ACSL3: variants seen among roughly 807,000 people sequenced by gnomAD.
ACSL3 encodes the protein fatty acid CoA ligase Acsl3.
Under a neutral mutation model 84.7 loss-of-function variants are expected in ACSL3, and 34 were observed. The observed-to-expected ratio is 0.40, with a 90% confidence interval of 0.31 to 0.53. The LOEUF (loss-of-function observed/expected upper bound fraction) is 0.53, where lower values mean the gene tolerates loss of function less well. Among genes scored for constraint, ACSL3 ranks in the 20% least tolerant of loss-of-function variants. The pLI, the probability that ACSL3 is intolerant of heterozygous loss-of-function variation, is 0.48. For synonymous variants in ACSL3, 315 were observed against 299.4 expected, an observed-to-expected ratio of 1.05 and a Z score of -0.54; for missense variants, 680 against 873.1, an observed-to-expected ratio of 0.78 and a Z score of 2.79.
At chr2:222,866,744 G>GACCCCCC (rs1695153122) in intron 1 of ACSL3, among the ~76,000 whole-genome samples, 1 of 22,730 alleles carries the variant, frequency 4.4e-5, no homozygotes, top group Non-Finnish European at 8.6e-5. Flanking sequence ...AAACTGCCCT[G>GACCCCCC]CCCCCCCCGC....
In ACSL3 at chr2:222,914,602, T is replaced by G. The variant is rs1332950334; in HGVS notation, c.379-1717T>G. On this transcript the variant is annotated intron_variant, in intron 4 of 16. Transcript: ENST00000357430. Reference sequence around the variant, plus strand: ...AATAGAGAGAAGGTTTCAGAGGTATTTCAGAGGGTGAGAAAACGAATAGAC... The same window carrying G: ...AATAGAGAGAAGGTTTCAGAGGTATGTCAGAGGGTGAGAAAACGAATAGAC... 6.6e-5 allele frequency among the ~76,000 whole-genome samples: 10 copies of G among 152,108 alleles called. No homozygotes were observed. In the East Asian group the frequency reaches 1.9e-3, roughly 29 times the overall value.
chr2:222,935,110 G>A (rs1224907949), intron 16 of ACSL3, among the ~76,000 whole-genome samples: 1 of 152,168 alleles, frequency 6.6e-6, no homozygotes, highest in African/African-American at 2.4e-5. Flanking sequence ...CCCAAGACTA[G>A]TTTAATATTG....
chr2:222,909,057 A>G lies in ACSL3; in HGVS notation c.285A>G (p.Ala95=). Residue 95 remains alanine, a synonymous_variant, in exon 4 of 17, where the codon GCA becomes GCG. Coordinates refer to ENST00000357430, the MANE Select transcript of ACSL3 (RefSeq NM_004457.5). Reference sequence around the variant, plus strand: ...CTTTAGATAAAGTTTTTACATATGCAAAAAACAAATTTAAGAACAAAAGAC... The same window carrying G: ...CTTTAGATAAAGTTTTTACATATGCGAAAAACAAATTTAAGAACAAAAGAC... The part of the protein sequence containing the change: ...CDTLDKVFTY[A]KNKFKNKRLL... 1 of 1,612,464 alleles carries G rather than the reference A, an allele frequency of 6.2e-7. No individual in the cohort carries two copies. The highest frequency in any genetic ancestry group is 1.7e-5 in the Admixed American group (1 of 59,764).
Position 222,942,069 on chromosome 2 carries a change from T to C in ACSL3, c.*415T>C, listed in dbSNP as rs2106147970. ...GTTATTTGGGGGCTTTTTTACTTAC[T>C]GTATTTAAAAATACAAGGGTATTGA... On this transcript the variant is annotated 3_prime_UTR_variant, in exon 17 of 17. Coordinates refer to ENST00000357430, the MANE Select transcript of ACSL3 (RefSeq NM_004457.5). 1 of 217,904 alleles carries C rather than the reference T, an allele frequency of 4.6e-6. No individual in the cohort carries two copies. Among genetic ancestry groups the C allele is most frequent in the Non-Finnish European group, 9.3e-6 (1 of 108,048 alleles). 13.5% of individuals were successfully genotyped at this position (217,904 alleles called of 1,614,324 possible).
intron 3 of ACSL3, among the ~76,000 whole-genome samples, chr2:222,904,386 G>C (rs1305581352): frequency 6.6e-6 from 1 of 152,198 alleles, no homozygotes; most frequent in African/African-American, 2.4e-5. Flanking sequence ...GTGGCAATGA[G>C]AATAGTAATG....
intron 12 of ACSL3, 22 bp from the exon 13 acceptor site, chr2:222,928,840 C>A (rs1696950624): frequency 6.3e-7 from 1 of 1,598,134 alleles, no homozygotes; most frequent in Non-Finnish European, 8.6e-7. Flanking sequence ...CTCAAATATC[C>A]TTTTTTTCAT....
At chr2:222,921,019 A>G in intron 7 of ACSL3, 4 of 573,020 alleles carry the variant, frequency 7.0e-6, no homozygotes, top group Non-Finnish European at 6.8e-6. Context: ...CCATCCAAAT[A>G]GCATCTATTG....
intron 3 of ACSL3, among the ~76,000 whole-genome samples, chr2:222,907,816 C>T (rs1696333586): frequency 6.6e-6 from 1 of 151,968 alleles, no homozygotes; most frequent in Non-Finnish European, 1.5e-5. Context: ...TTCCCCTCTG[C>T]CCGGAGTGCT....
chr2:222,871,782 G>A (rs1695309699), intron 1 of ACSL3, among the ~76,000 whole-genome samples: 1 of 152,182 alleles, frequency 6.6e-6, no homozygotes, highest in South Asian at 2.1e-4. Flanking sequence ...GGTCTAGTGG[G>A]TGAGGGGTTG....
Position 222,865,794 on chromosome 2 carries a change from C to CTGTGTGTG in ACSL3, c.-207+4560_-207+4567dup, listed in dbSNP as rs3219912. 3.9e-3 allele frequency among the ~76,000 whole-genome samples: 578 copies of CTGTGTGTG among 150,114 alleles called. 1 individual carries two copies. The highest frequency in any genetic ancestry group is 5.2e-3 in the Admixed American group (78 of 15,096). On this transcript the variant is annotated intron_variant, in intron 1 of 16. Coordinates refer to ENST00000357430, the MANE Select transcript of ACSL3 (RefSeq NM_004457.5). Reference sequence around the variant, plus strand: ...ATGTTTTACCTTGATTTTGGATCCTCTGTGTGTGTGTGTGTGTGTGTGTGT... The same window carrying CTGTGTGTG: ...ATGTTTTACCTTGATTTTGGATCCTCTGTGTGTGTGTGTGTGTGTGTGTGTGTGTGTGT...
chr2:222,904,324 G>C (rs1290973678), intron 3 of ACSL3, among the ~76,000 whole-genome samples: 1 of 152,128 alleles, frequency 6.6e-6, no homozygotes. Context: ...TTGAGAACTG[G>C]TAGTGAAGTT....
Position 222,897,751 on chromosome 2 carries a change from C to G in ACSL3, c.-147-2923C>G, listed in dbSNP as rs1696025240. ...CCCGGCCAACACAGCAAAACCCCGT[C>G]TCCACCAAAAAAAAACGAAAACCAG... On this transcript the variant is annotated intron_variant, in intron 2 of 16. Coordinates refer to ENST00000357430, the MANE Select transcript of ACSL3 (RefSeq NM_004457.5). 4.9e-5 allele frequency among the ~76,000 whole-genome samples: 2 copies of G among 41,076 alleles called. 1 individual carries two copies. The highest frequency in any genetic ancestry group is 5.2e-4 in the Admixed American group (2 of 3,862). 26.9% of individuals were successfully genotyped at this position (41,076 alleles called of 152,430 possible).
intron 2 of ACSL3, among the ~76,000 whole-genome samples, chr2:222,889,879 C>T (rs1173097454): frequency 6.6e-6 from 1 of 152,156 alleles, no homozygotes; most frequent in Non-Finnish European, 1.5e-5. Context: ...GGGAAGACAA[C>T]TGGTGATCTT....
intron 3 of ACSL3, among the ~76,000 whole-genome samples, chr2:222,903,974 C>A (rs905761351): frequency 2.0e-5 from 3 of 152,060 alleles, no homozygotes; most frequent in Non-Finnish European, 4.4e-5. Context: ...AAACTTTTAC[C>A]ATTAAAACAA....
At chr2:222,916,718 G>A in intron 5 of ACSL3, 1 of 367,380 alleles carries the variant, frequency 2.7e-6, no homozygotes, top group Non-Finnish European at 4.8e-6. Context: ...CCTCTTCATG[G>A]GAGACTTTCA....
Position 222,941,799 on chromosome 2 carries a change from G to C in ACSL3, c.*145G>C. The C allele has an allele frequency of 1.1e-6, 1 of 878,306 alleles. No homozygotes were observed. The highest frequency in any genetic ancestry group is 1.6e-6 in the Non-Finnish European group (1 of 622,150). 54.4% of individuals were successfully genotyped at this position (878,306 alleles called of 1,614,324 possible). A position where few individuals can be genotyped will look rare whatever the true frequency, so the allele number is the denominator to read the frequency against. ...TGACGTCACCATTTTTAACTGACAG[G>C]ATTAGTAAAACATTAAGACAGCAAA... is the stretch of plus-strand genomic sequence containing the variant. On this transcript the variant is annotated 3_prime_UTR_variant, in exon 17 of 17. Transcript: ENST00000357430.
At chr2:222,909,809 A>C (rs531757294) in intron 4 of ACSL3, 1 of 152,438 alleles carries the variant, frequency 6.6e-6, no homozygotes, top group East Asian at 1.9e-4. Context: ...GACACTCAAG[A>C]GCCAAGCTGT....
At chr2:222,934,041 G>T (rs756725317) in intron 15 of ACSL3, among the ~76,000 whole-genome samples, 3 of 152,048 alleles carry the variant, frequency 2.0e-5, no homozygotes, top group Non-Finnish European at 4.4e-5. Context: ...ATTTGCCTTC[G>T]TTGGGCATAG....
intron 11 of ACSL3, 91 bp from the exon 12 acceptor site, chr2:222,926,926 C>A: frequency 7.3e-7 from 1 of 1,364,324 alleles, no homozygotes; most frequent in Non-Finnish European, 9.9e-7. Context: ...ATCTCAAAAT[C>A]TCTCATATCA....
Sources: allele counts gnomAD v4.1 joint callset (sites outside exome capture counted in the v4.1 genomes callset), GRCh38; gene constraint gnomAD v4.1.1; transcripts MANE v1.5; gene names NCBI Gene and HGNC (gene_info 2026-07-23, HGNC 2026-07-21).